Variants in TRIQK observed in about 807,000 individuals in gnomAD.
The protein encoded by TRIQK is triple QxxK/R motif-containing protein.
In TRIQK, 10 loss-of-function variants were observed where a neutral mutation model predicts 10.8. The ratio of observed to expected loss-of-function variants is 0.92; its 90% confidence interval spans 0.57 to 1.57. TRIQK has a LOEUF of 1.57. TRIQK is among the 40% of genes most tolerant of loss of function. The pLI is 0.00. For synonymous variants in TRIQK, 33 were observed against 33.7 expected, an observed-to-expected ratio of 0.98 and a Z score of 0.07; for missense variants, 107 against 97.7, an observed-to-expected ratio of 1.09 and a Z score of -0.40.
At chr8:92,905,356 T>C (rs1216141085) in intron 3 of TRIQK, among the ~76,000 whole-genome samples, 1 of 152,164 alleles carries the variant, frequency 6.6e-6, no homozygotes, top group Admixed American at 6.5e-5. Flanking sequence ...ATTTCATTTA[T>C]ATAAAGATCA....
chr8:93,007,138 A>G (rs1395945851), intron 1 of TRIQK, among the ~76,000 whole-genome samples: 2 of 152,116 alleles, frequency 1.3e-5, no homozygotes, highest in Non-Finnish European at 2.9e-5. Context: ...TAGAGATCCC[A>G]GAGGAAGGAT....
chr8:92,977,815 A>C (rs1049423378), intron 1 of TRIQK, among the ~76,000 whole-genome samples: 2 of 152,088 alleles, frequency 1.3e-5, no homozygotes, highest in Non-Finnish European at 2.9e-5. Flanking sequence ...TACAATTGTC[A>C]TGTAGAAACA....
At chr8:92,955,113 G>A (rs979753769) in intron 1 of TRIQK, among the ~76,000 whole-genome samples, 1 of 151,760 alleles carries the variant, frequency 6.6e-6, no homozygotes, top group Non-Finnish European at 1.5e-5. Context: ...CATATTAAAT[G>A]TCAGGCAATG....
At chr8:92,925,125 G>C (rs1014927205) in intron 2 of TRIQK, among the ~76,000 whole-genome samples, 4 of 152,076 alleles carry the variant, frequency 2.6e-5, no homozygotes, top group African/African-American at 7.2e-5. Flanking sequence ...TCACCTTCCA[G>C]CCAAACTACG....
At chr8:92,967,414 CTT>C (rs1367540693), upstream of TRIQK, among the ~76,000 whole-genome samples, 2 of 152,154 alleles carry the variant, frequency 1.3e-5, no homozygotes, top group East Asian at 3.8e-4. Context: ...ATTTTACACT[CTT>C]GACCTGCTGA....
intron 3 of TRIQK, among the ~76,000 whole-genome samples, chr8:92,916,636 C>A (rs1809865081): frequency 6.6e-6 from 1 of 151,764 alleles, no homozygotes; most frequent in South Asian, 2.1e-4. Flanking sequence ...ATTATAAAAT[C>A]AAAAATGCTG....
rs910029680 is a variant in TRIQK at position 92,946,920 on chromosome 8, T to C, written c.-22+7486A>G. 8.6e-5 allele frequency among the ~76,000 whole-genome samples: 13 copies of C among 151,962 alleles called. No individual in the cohort carries two copies. In the East Asian group the frequency reaches 1.4e-3, roughly 16 times the overall value. On this transcript the variant is annotated intron_variant, in intron 2 of 4. Coordinates refer to ENST00000521988, the MANE Select transcript of TRIQK (RefSeq NM_001171797.2). Reference sequence around the variant, plus strand: ...GACCGCAGGCGCCTGCCACCACGCCTGGCTAATTTTTTGTTTTTGTATTTT... The same window carrying C: ...GACCGCAGGCGCCTGCCACCACGCCCGGCTAATTTTTTGTTTTTGTATTTT...
chr8:92,987,388 T>C (rs1813045619), intron 1 of TRIQK, among the ~76,000 whole-genome samples: 1 of 152,204 alleles, frequency 6.6e-6, no homozygotes, highest in Non-Finnish European at 1.5e-5. Flanking sequence ...AAAAGGAGAA[T>C]TAGTTTTCCT....
At chr8:93,013,565 G>T (rs893704937) in intron 1 of TRIQK, among the ~76,000 whole-genome samples, 3 of 152,088 alleles carry the variant, frequency 2.0e-5, no homozygotes, top group African/African-American at 7.2e-5. Flanking sequence ...TTTTATTATG[G>T]TACATGAATT....
At chr8:93,009,662 C>G (rs1813312774) in intron 1 of TRIQK, among the ~76,000 whole-genome samples, 1 of 151,284 alleles carries the variant, frequency 6.6e-6, no homozygotes, top group Non-Finnish European at 1.5e-5. Flanking sequence ...GAAAAAAGAA[C>G]CCTTACACAG....
chr8:92,916,513 T>C (rs1230874020), intron 3 of TRIQK, among the ~76,000 whole-genome samples: 1 of 152,148 alleles, frequency 6.6e-6, no homozygotes, highest in East Asian at 1.9e-4. Context: ...AGAACATTTG[T>C]TCTACTTTAT....
At position 92,954,222 on chromosome 8, in the gene TRIQK, T is replaced by C. The variant is rs576059328; in HGVS notation, c.-22+184A>G. On this transcript the variant is annotated intron_variant, in intron 2 of 4. Transcript: ENST00000521988. ...ACATTTATTTGGATTTGCTGAAATA[T>C]CACAAAATAAATACAAGTAAAAACA... The C allele has an allele frequency of 3.3e-5, 5 of 151,964 alleles. No individual in the cohort carries two copies. In the East Asian group the frequency reaches 9.7e-4, roughly 29 times the overall value. The allele number at this position is 151,964 out of a possible 1,614,324, so 9.4% of individuals were successfully genotyped here. A position where few individuals can be genotyped will look rare whatever the true frequency, so the allele number is the denominator to read the frequency against.
intron 1 of TRIQK, among the ~76,000 whole-genome samples, chr8:93,009,559 G>C (rs1302855428): frequency 6.6e-6 from 1 of 151,766 alleles, no homozygotes; most frequent in Non-Finnish European, 1.5e-5. Flanking sequence ...CAGTGGGCGA[G>C]ATGACACCAC....
intron 1 of TRIQK, among the ~76,000 whole-genome samples, chr8:92,997,770 G>C (rs1452654002): frequency 6.6e-6 from 1 of 152,016 alleles, no homozygotes; most frequent in East Asian, 1.9e-4. Context: ...AGGAACAAAT[G>C]AATGAGCCAG....
chr8:92,944,490 A>C (rs1393127749), intron 2 of TRIQK, among the ~76,000 whole-genome samples: 1 of 152,174 alleles, frequency 6.6e-6, no homozygotes, highest in African/African-American at 2.4e-5. Flanking sequence ...TGGATAAATA[A>C]AATGAAGCAT....
chr8:92,963,929 C>T (rs1424326389), intron 1 of TRIQK: 1 of 151,350 alleles, frequency 6.6e-6, no homozygotes, highest in African/African-American at 2.4e-5. Context: ...ACATTTTTCT[C>T]AAAATATTTG....
intron 1 of TRIQK, among the ~76,000 whole-genome samples, chr8:92,971,732 T>A (rs922182830): frequency 3.3e-5 from 5 of 152,088 alleles, no homozygotes; most frequent in African/African-American, 1.2e-4. Context: ...CCAAAGTAAT[T>A]TACAAACTCA....
intron 2 of TRIQK, among the ~76,000 whole-genome samples, chr8:92,925,522 T>C (rs1281641149): frequency 6.6e-6 from 1 of 152,152 alleles, no homozygotes; most frequent in East Asian, 1.9e-4. Flanking sequence ...TAAAAAACTA[T>C]TTAATAATGT....
intron 1 of TRIQK, among the ~76,000 whole-genome samples, chr8:93,012,575 T>C (rs1173159143): frequency 6.6e-6 from 1 of 152,174 alleles, no homozygotes; most frequent in East Asian, 1.9e-4. Context: ...TCTGCTTTTT[T>C]TTCTTTAATT....
Sources: allele counts gnomAD v4.1 joint callset (sites outside exome capture counted in the v4.1 genomes callset), GRCh38; gene constraint gnomAD v4.1.1; transcripts MANE v1.5; gene names NCBI Gene and HGNC (gene_info 2026-07-23, HGNC 2026-07-21).